TSPAN5: variants seen among roughly 807,000 people sequenced by gnomAD.
TSPAN5 encodes the protein tetraspanin-5.
A neutral mutation model predicts 37.1 loss-of-function variants in TSPAN5; 10 were observed. That is an observed-to-expected ratio of 0.27 (90% CI 0.17 to 0.46). The LOEUF (loss-of-function observed/expected upper bound fraction) is 0.46. TSPAN5 is among the 20% of genes least tolerant of loss of function. The pLI is 1.00. For synonymous variants in TSPAN5, 110 were observed against 118.9 expected, an observed-to-expected ratio of 0.93 and a Z score of 0.48; for missense variants, 195 against 326.6, an observed-to-expected ratio of 0.60 and a Z score of 3.11.
intron 1 of TSPAN5, among the ~76,000 whole-genome samples, chr4:98,598,392 G>A (rs1237325133): frequency 4.7e-5 from 7 of 150,426 alleles, no homozygotes; most frequent in Admixed American, 6.6e-5. Context: ...GAAATCACCC[G>A]TCTTCTGCGT....
intron 1 of TSPAN5, among the ~76,000 whole-genome samples, chr4:98,519,673 A>C (rs1753810866): frequency 6.6e-6 from 1 of 152,214 alleles, no homozygotes; most frequent in South Asian, 2.1e-4. Flanking sequence ...GAAGTGGAGA[A>C]TATTTGGAGA....
At chr4:98,479,897 TGTTA>T (rs773542479) in intron 4 of TSPAN5, among the ~76,000 whole-genome samples, 1 of 152,250 alleles carries the variant, frequency 6.6e-6, no homozygotes, top group Non-Finnish European at 1.5e-5. Context: ...ACAGATGTTA[TGTTA>T]AAGAATTACT....
At chr4:98,546,670 C>G (rs951424901) in intron 1 of TSPAN5, among the ~76,000 whole-genome samples, 2 of 151,980 alleles carry the variant, frequency 1.3e-5, no homozygotes, top group African/African-American at 4.8e-5. Flanking sequence ...ATCCCCTAAA[C>G]CTGGACTCAC....
intron 1 of TSPAN5, among the ~76,000 whole-genome samples, chr4:98,603,752 C>T (rs985389452): frequency 6.6e-6 from 1 of 152,146 alleles, no homozygotes; most frequent in East Asian, 1.9e-4. Context: ...GTTACAGATG[C>T]TCATCTCCTT....
At chr4:98,592,809 T>G (rs974363777) in intron 1 of TSPAN5, among the ~76,000 whole-genome samples, 1 of 151,078 alleles carries the variant, frequency 6.6e-6, no homozygotes, top group African/African-American at 2.4e-5. Flanking sequence ...GGTGTATATG[T>G]GCCACATTTT....
intron 1 of TSPAN5, among the ~76,000 whole-genome samples, chr4:98,577,012 C>T (rs191393809): frequency 1.3e-5 from 2 of 152,164 alleles, no homozygotes; most frequent in Non-Finnish European, 1.5e-5. Flanking sequence ...CTGCCCACCT[C>T]GGCCTCCCAA....
intron 1 of TSPAN5, among the ~76,000 whole-genome samples, chr4:98,517,803 G>A (rs1485566803): frequency 6.6e-6 from 1 of 152,170 alleles, no homozygotes; most frequent in Non-Finnish European, 1.5e-5. Flanking sequence ...ATCTTTGCTT[G>A]TCTCAGTAAA....
chr4:98,556,602 T>C (rs1341064235), intron 1 of TSPAN5, among the ~76,000 whole-genome samples: 1 of 152,242 alleles, frequency 6.6e-6, no homozygotes, highest in Admixed American at 6.5e-5. Context: ...TGTCCAAATT[T>C]TTCTGTTAAC....
chr4:98,536,780 T>A (rs1754245030), intron 1 of TSPAN5, among the ~76,000 whole-genome samples: 2 of 152,214 alleles, frequency 1.3e-5, no homozygotes. Context: ...TCCCAGTGCC[T>A]TTGTTTAAAC....
At chr4:98,500,579 T>G (rs1753322206) in intron 2 of TSPAN5, among the ~76,000 whole-genome samples, 1 of 152,182 alleles carries the variant, frequency 6.6e-6, no homozygotes, top group South Asian at 2.1e-4. Flanking sequence ...CAGTTTGACA[T>G]CTCTGTGCCT....
intron 2 of TSPAN5, among the ~76,000 whole-genome samples, chr4:98,497,384 A>C (rs891373357): frequency 1.3e-5 from 2 of 151,576 alleles, no homozygotes; most frequent in Non-Finnish European, 2.9e-5. Flanking sequence ...CCATGCCAGC[A>C]CACAGCAAAA....
At chr4:98,537,074 C>T (rs1268099589) in intron 1 of TSPAN5, among the ~76,000 whole-genome samples, 2 of 152,196 alleles carry the variant, frequency 1.3e-5, no homozygotes, top group Admixed American at 6.5e-5. Flanking sequence ...GCTAGTTCGG[C>T]GTCTGCCCAA....
At chr4:98,583,270 C>G (rs530874739) in intron 1 of TSPAN5, among the ~76,000 whole-genome samples, 1 of 152,196 alleles carries the variant, frequency 6.6e-6, no homozygotes, top group South Asian at 2.1e-4. Flanking sequence ...TGATATAAAG[C>G]CTTTCATTTT....
intron 1 of TSPAN5, among the ~76,000 whole-genome samples, chr4:98,651,752 ATG>A (rs1757189440): frequency 1.3e-5 from 2 of 152,164 alleles, no homozygotes; most frequent in African/African-American, 2.4e-5. Flanking sequence ...AAACAGATCC[ATG>A]CTTAGAAAGG....
At chr4:98,626,352 C>G (rs1383138113) in intron 1 of TSPAN5, among the ~76,000 whole-genome samples, 1 of 152,196 alleles carries the variant, frequency 6.6e-6, no homozygotes, top group African/African-American at 2.4e-5. Context: ...CTCTCTGCTT[C>G]TAACCTTGAC....
chr4:98,656,894 G>A (rs768483838), intron 1 of TSPAN5, among the ~76,000 whole-genome samples: 15 of 152,156 alleles, frequency 9.9e-5, no homozygotes, highest in Non-Finnish European at 1.5e-4. Flanking sequence ...ATGTATATAC[G>A]TACAGCAAAC....
At chr4:98,540,970 CA>C (rs1754344019) in intron 1 of TSPAN5, among the ~76,000 whole-genome samples, 1 of 152,196 alleles carries the variant, frequency 6.6e-6, no homozygotes, top group Non-Finnish European at 1.5e-5. Flanking sequence ...GAACAATTAG[CA>C]CGGCATAAAG....
In TSPAN5 at chr4:98,652,062, G is replaced by A. The variant is rs142444763; in HGVS notation, c.81+6084C>T. 8.1e-4 allele frequency among the ~76,000 whole-genome samples: 123 copies of A among 151,774 alleles called. 1 individual carries two copies. Among genetic ancestry groups the A allele is most frequent in the African/African-American group, 2.9e-3 (118 of 41,360 alleles). ...TTTTGTAGAGATAGGGTCTCACTAT[G>A]TTACCCAGGCTGGTCTCAAACTCTT... On this transcript the variant is annotated intron_variant, in intron 1 of 7. Coordinates refer to ENST00000305798, the MANE Select transcript of TSPAN5 (RefSeq NM_005723.4).
At chr4:98,618,812 G>A (rs2110244716) in intron 1 of TSPAN5, among the ~76,000 whole-genome samples, 1 of 152,266 alleles carries the variant, frequency 6.6e-6, no homozygotes, top group Non-Finnish European at 1.5e-5. Flanking sequence ...GTAACTGACT[G>A]CCCTGAAAAT....
Sources: gnomAD v4.1 joint callset for allele counts (sites outside exome capture counted in the v4.1 genomes callset) on GRCh38, gnomAD v4.1.1 for gene constraint, MANE v1.5 for transcripts, NCBI Gene and HGNC (gene_info 2026-07-23, HGNC 2026-07-21) for gene names.